The following GRID1 variants were observed in gnomAD, a reference collection of about 807,000 sequenced individuals.
GRID1 encodes glutamate receptor ionotropic, delta-1.
In GRID1, 28 loss-of-function variants were observed where a neutral mutation model predicts 98.0. The ratio of observed to expected loss-of-function variants is 0.29; its 90% confidence interval spans 0.21 to 0.39. GRID1 has a LOEUF of 0.39. Among genes scored for constraint, GRID1 ranks in the 10% least tolerant of loss-of-function variants. The pLI, the probability that GRID1 is intolerant of heterozygous loss-of-function variation, is 1.00. For missense variants in GRID1, 1,111 were observed against 1,340.5 expected (o/e 0.83, Z 2.67); for synonymous variants, 553 against 538.5 (o/e 1.03, Z -0.37).
intron 2 of GRID1, among the ~76,000 whole-genome samples, chr10:86,301,810 G>C (rs777603183): frequency 7.2e-5 from 11 of 152,194 alleles, no homozygotes; most frequent in African/African-American, 2.4e-4. Context: ...CCTTCTTAAG[G>C]CCTCAGTACT....
chr10:86,323,052 G>A lies in GRID1; in HGVS notation c.235+40889C>T, dbSNP rs550195172. On this transcript the variant is annotated intron_variant, in intron 2 of 15. Coordinates refer to ENST00000327946, the MANE Select transcript of GRID1 (RefSeq NM_017551.3). ...GCAGAAGTTGCAGTGAGCTGAGATC[G>A]CACCACTGCACTCCAACCTGGGTTA... Among the ~76,000 whole-genome samples, 14 of 152,182 alleles carry A rather than the reference G, an allele frequency of 9.2e-5. No individual in the cohort carries two copies. The South Asian group carries it at 1.9e-3, about 20-fold the overall frequency.
intron 3 of GRID1, among the ~76,000 whole-genome samples, chr10:86,197,944 T>G (rs1449780478): frequency 1.3e-5 from 2 of 152,060 alleles, no homozygotes; most frequent in Admixed American, 1.3e-4. Context: ...ACTCACTTAC[T>G]CATTTTGTCT....
At chr10:86,193,588 C>G (rs1845834804) in intron 3 of GRID1, among the ~76,000 whole-genome samples, 1 of 152,120 alleles carries the variant, frequency 6.6e-6, no homozygotes, top group South Asian at 2.1e-4. Context: ...GAGGCAGCCC[C>G]TTCCAGCTCA....
At chr10:86,124,873 G>A (rs1045771580) in intron 4 of GRID1, among the ~76,000 whole-genome samples, 3 of 152,188 alleles carry the variant, frequency 2.0e-5, no homozygotes, top group African/African-American at 7.2e-5. Context: ...CTTAGTCCCA[G>A]GCTCTGGAGA....
intron 12 of GRID1, among the ~76,000 whole-genome samples, chr10:85,693,900 G>A (rs147271884): frequency 3.9e-5 from 6 of 152,114 alleles, no homozygotes; most frequent in Non-Finnish European, 8.8e-5. Flanking sequence ...CCGCAAATGC[G>A]TAAGCAACAA....
chr10:86,341,131 G>A (rs950535575), intron 2 of GRID1, among the ~76,000 whole-genome samples: 4 of 152,170 alleles, frequency 2.6e-5, no homozygotes, highest in Non-Finnish European at 5.9e-5. Context: ...CATATGCTGT[G>A]TATCCTCCCT....
intron 3 of GRID1, among the ~76,000 whole-genome samples, chr10:86,199,200 C>T (rs1845914782): frequency 6.6e-6 from 1 of 152,096 alleles, no homozygotes; most frequent in South Asian, 2.1e-4. Flanking sequence ...GATACACACA[C>T]ATAGAAGCTC....
chr10:86,189,144 A>T (rs563745529), intron 3 of GRID1, among the ~76,000 whole-genome samples: 1 of 152,152 alleles, frequency 6.6e-6, no homozygotes, highest in East Asian at 1.9e-4. Flanking sequence ...AGTGGGGGTC[A>T]TGTCTGCAGC....
At chr10:85,814,300 G>A (rs527585929) in intron 8 of GRID1, among the ~76,000 whole-genome samples, 1 of 151,900 alleles carries the variant, frequency 6.6e-6, no homozygotes, top group Non-Finnish European at 1.5e-5. Flanking sequence ...GCAGGACTTA[G>A]AGGGAAATGT....
At chr10:86,315,153 T>C (rs12770256) in intron 2 of GRID1, among the ~76,000 whole-genome samples, 77,900 of 152,020 alleles carry the variant, frequency 0.51, 23,953 homozygotes, top group Non-Finnish European at 0.68. Context: ...GTGGGGCCCA[T>C]ACCTCCCCAG....
chr10:85,630,805 T>C (rs1052083629), intron 13 of GRID1, among the ~76,000 whole-genome samples: 3 of 152,218 alleles, frequency 2.0e-5, no homozygotes, highest in African/African-American at 7.2e-5. Flanking sequence ...AAATGCTATG[T>C]TTTAATAACC....
At chr10:85,826,465 C>T (rs1180686093) in intron 8 of GRID1, among the ~76,000 whole-genome samples, 3 of 152,196 alleles carry the variant, frequency 2.0e-5, no homozygotes, top group African/African-American at 7.2e-5. Flanking sequence ...GGGAAAATCC[C>T]TGTGAACATG....
intron 2 of GRID1, among the ~76,000 whole-genome samples, chr10:86,238,361 T>C (rs1846573424): frequency 6.6e-6 from 1 of 152,134 alleles, no homozygotes; most frequent in Non-Finnish European, 1.5e-5. Context: ...GCTCCAGCCA[T>C]GGCTAAAAGG....
At chr10:85,733,712 C>G (rs1472042150) in intron 8 of GRID1, among the ~76,000 whole-genome samples, 1 of 152,086 alleles carries the variant, frequency 6.6e-6, no homozygotes, top group Non-Finnish European at 1.5e-5. Context: ...AAGAAAATAA[C>G]TTTGAAACAG....
chr10:85,774,432 A>G (rs531050424), intron 8 of GRID1, among the ~76,000 whole-genome samples: 12 of 152,344 alleles, frequency 7.9e-5, no homozygotes, highest in African/African-American at 2.6e-4. Flanking sequence ...CTTCATGTCT[A>G]AAACACCAAA....
chr10:86,113,475 A>T (rs1191269937), intron 4 of GRID1, among the ~76,000 whole-genome samples: 1 of 152,250 alleles, frequency 6.6e-6, no homozygotes. Context: ...GTTAGCTGAA[A>T]AGTCAGAGTG....
At chr10:85,766,889 C>A (rs1842203430) in intron 8 of GRID1, among the ~76,000 whole-genome samples, 1 of 151,908 alleles carries the variant, frequency 6.6e-6, no homozygotes, top group African/African-American at 2.4e-5. Flanking sequence ...ATATTCTTTT[C>A]CTTAAAGTAA....
intron 2 of GRID1, among the ~76,000 whole-genome samples, chr10:86,210,441 C>A (rs1370743994): frequency 6.6e-6 from 1 of 152,230 alleles, no homozygotes; most frequent in African/African-American, 2.4e-5. Flanking sequence ...TACGAGAGCA[C>A]TGACTTAGGA....
intron 8 of GRID1, among the ~76,000 whole-genome samples, chr10:85,817,442 C>A (rs911573340): frequency 1.3e-5 from 2 of 152,054 alleles, no homozygotes; most frequent in African/African-American, 2.4e-5. Flanking sequence ...AGGAGGAGAG[C>A]CTGAGCCCAA....
Sources: allele counts gnomAD v4.1 joint callset (sites outside exome capture counted in the v4.1 genomes callset), GRCh38; gene constraint gnomAD v4.1.1; transcripts MANE v1.5; gene names NCBI Gene and HGNC (gene_info 2026-07-23, HGNC 2026-07-21).